The following AGAP1 variants were observed in gnomAD, a reference collection of about 807,000 sequenced individuals.
AGAP1 encodes ArfGAP with GTPase domain, ankyrin repeat and PH domain 1.
A neutral mutation model predicts 105.3 loss-of-function variants in AGAP1; 29 were observed. The ratio of observed to expected loss-of-function variants is 0.28; its 90% CI spans 0.21 to 0.38. AGAP1 has a LOEUF of 0.38. Ranked by LOEUF, AGAP1 falls within the 10% of genes least tolerant of loss-of-function variation. AGAP1 has a pLI of 1.00. For missense variants in AGAP1, 998 were observed against 1,165.1 expected (o/e 0.86, Z 2.09); for synonymous variants, 509 against 485.9 (o/e 1.05, Z -0.63).
rs1942839125 is a variant in AGAP1, at chr2:235,526,362, C to T, written c.163+31513C>T. The stretch of plus-strand genomic sequence containing the variant: ...ACCAGCTGTGCTCTTGGTCCTGTGG[C>T]CTTCCATGGGAGAGGGTATGGGAAG... On this transcript the variant is annotated intron_variant, in intron 1 of 17. Coordinates refer to ENST00000304032, the MANE Select transcript of AGAP1 (RefSeq NM_001037131.3). Among the ~76,000 whole-genome samples the T allele has an allele frequency of 2.0e-5, 3 of 152,190 alleles. No homozygotes were observed. The South Asian group carries it at 6.2e-4, about 32-fold the overall frequency.
intron 1 of AGAP1, among the ~76,000 whole-genome samples, chr2:235,656,702 T>C (rs188939241): frequency 3.9e-4 from 60 of 152,316 alleles, no homozygotes; most frequent in Non-Finnish European, 7.2e-4. Context: ...TTCCCTCCCT[T>C]GTCCAAGTGT....
chr2:235,494,893 C>T (rs1255818617), intron 1 of AGAP1, 44 bp downstream of exon 1: 146 of 1,524,854 alleles, frequency 9.6e-5, no homozygotes, highest in Non-Finnish European at 1.2e-4. Flanking sequence ...GCACGGACGC[C>T]CGCGGCGCGG....
chr2:235,717,082 C>G (rs1559390040), intron 2 of AGAP1, among the ~76,000 whole-genome samples: 1 of 152,106 alleles, frequency 6.6e-6, no homozygotes, highest in Non-Finnish European at 1.5e-5. Flanking sequence ...CCCTTTTCTG[C>G]TCCTGTTGTC....
intron 1 of AGAP1, among the ~76,000 whole-genome samples, chr2:235,532,915 A>T (rs140662470): frequency 6.6e-6 from 1 of 152,148 alleles, no homozygotes; most frequent in East Asian, 1.9e-4. Flanking sequence ...CTGCTTTTGT[A>T]TGTTGGCAAA....
At chr2:235,715,528 G>A (rs1176961465) in intron 2 of AGAP1, among the ~76,000 whole-genome samples, 2 of 152,196 alleles carry the variant, frequency 1.3e-5, no homozygotes, top group Admixed American at 1.3e-4. Context: ...TCATGGACCT[G>A]CTGGGCCTGT....
intron 1 of AGAP1, among the ~76,000 whole-genome samples, chr2:235,684,735 C>G (rs1254756761): frequency 6.6e-6 from 1 of 152,122 alleles, no homozygotes; most frequent in Non-Finnish European, 1.5e-5. Context: ...GTTTACCATC[C>G]ATGGCTGCTT....
rs1047384056 is a variant in AGAP1 at position 236,089,600 on chromosome 2, G to A, written c.2115-30592G>A. ...CCCGAAGTCCTTCTTTGGCACTGGA[G>A]AACAAAGAAGAGTTTGCACAGAAGA... is the stretch of plus-strand genomic sequence containing the variant. On this transcript the variant is annotated intron_variant, in intron 16 of 17. Transcript: ENST00000304032. This position sits in a 1 kb window ranked among gnomAD's most constrained non-coding sequence, Gnocchi z 5.6. Among the ~76,000 whole-genome samples, 33 of 152,202 alleles carry A rather than the reference G, an allele frequency of 2.2e-4. No individual in the cohort carries two copies. The highest frequency in any genetic ancestry group is 8.0e-4 in the African/African-American group (33 of 41,466).
intron 7 of AGAP1, 116 bp downstream of exon 7, chr2:235,798,002 C>T (rs1377232994): frequency 7.7e-7 from 1 of 1,301,596 alleles, no homozygotes; most frequent in Non-Finnish European, 1.1e-6. Context: ...TAAGTAACAG[C>T]ATGTTGTAAT....
intron 16 of AGAP1, among the ~76,000 whole-genome samples, chr2:236,069,859 T>C (rs889212324): frequency 9.9e-5 from 15 of 152,284 alleles, no homozygotes; most frequent in African/African-American, 3.6e-4. Context: ...TATTTATTGC[T>C]TATCTTTATT....
At chr2:235,746,287 A>AG (rs1186643718) in intron 5 of AGAP1, among the ~76,000 whole-genome samples, 1 of 149,676 alleles carries the variant, frequency 6.7e-6, no homozygotes, top group Non-Finnish European at 1.5e-5. Flanking sequence ...CTCCATCTCA[A>AG]GGGAAAAAAA....
Position 236,096,589 on chromosome 2 carries a change from T to G in AGAP1, c.2115-23603T>G, listed in dbSNP as rs1391885532. On this transcript the variant is annotated intron_variant, in intron 16 of 17. Coordinates refer to ENST00000304032, the MANE Select transcript of AGAP1 (RefSeq NM_001037131.3). The surrounding 1 kb of genome is among the most constrained non-coding windows in gnomAD (Gnocchi z 4.4). The stretch of plus-strand genomic sequence containing the variant: ...AGTTTTATTTTTTATTTATTTTTTA[T>G]TTTTTTGGGACAGAGTCTCGCTCTT... Among the ~76,000 whole-genome samples the G allele has an allele frequency of 6.6e-6, 1 of 151,942 alleles. No homozygotes were observed. The highest frequency in any genetic ancestry group is 1.5e-5 in the Non-Finnish European group (1 of 67,986).
In AGAP1 at chr2:235,622,409, G is replaced by A. The variant is rs1326934404; in HGVS notation, c.164-86770G>A. 1.3e-5 allele frequency among the ~76,000 whole-genome samples: 2 copies of A among 152,196 alleles called. No homozygotes were observed. The highest frequency in any genetic ancestry group is 4.8e-5 in the African/African-American group (2 of 41,452). On this transcript the variant is annotated intron_variant, in intron 1 of 17. Transcript: ENST00000304032. This position sits in a 1 kb window ranked among gnomAD's most constrained non-coding sequence, Gnocchi z 5.0. ...TCACGGCCACGCTGCTCTCCTGCAT[G>A]TCCGCCCATCTCACTGGGGTGATGA...
At chr2:235,602,317 GAC>G (rs1292834990) in intron 1 of AGAP1, among the ~76,000 whole-genome samples, 1 of 149,648 alleles carries the variant, frequency 6.7e-6, no homozygotes, top group African/African-American at 2.5e-5. Context: ...CACTGGTTGT[GAC>G]AGAGATCTAC....
In AGAP1 at chr2:235,855,113, G is replaced by C. The variant is rs972941385; in HGVS notation, c.1051-28232G>C. 6.6e-5 allele frequency among the ~76,000 whole-genome samples: 10 copies of C among 152,128 alleles called. No homozygotes were observed. The highest frequency in any genetic ancestry group is 1.5e-4 in the Non-Finnish European group (10 of 68,010). On this transcript the variant is annotated intron_variant, in intron 9 of 17. Coordinates refer to ENST00000304032, the MANE Select transcript of AGAP1 (RefSeq NM_001037131.3). This position sits in a 1 kb window ranked among gnomAD's most constrained non-coding sequence, Gnocchi z 5.0. ...AACAGAAAAGTAGAAAAGGTTTAAA[G>C]GCAAAAAAAGCTGAAGGTATTTGTC...
intron 6 of AGAP1, among the ~76,000 whole-genome samples, chr2:235,755,127 T>A (rs933189464): frequency 6.6e-6 from 1 of 152,276 alleles, no homozygotes; most frequent in Admixed American, 6.5e-5. Flanking sequence ...ATGTGCGGAC[T>A]TGGCAGCTGG....
rs538042558 is a variant in AGAP1, at chr2:236,103,019, C to T, written c.2115-17173C>T. 8.7e-4 allele frequency among the ~76,000 whole-genome samples: 119 copies of T among 136,790 alleles called. 1 individual carries two copies. In the Middle Eastern group the frequency reaches 0.018, roughly 20 times the overall value. The allele number at this position is 136,790 out of a possible 152,430, so 89.7% of individuals were successfully genotyped here. On this transcript the variant is annotated intron_variant, in intron 16 of 17. Coordinates refer to ENST00000304032, the MANE Select transcript of AGAP1 (RefSeq NM_001037131.3). ...CGGGGTTTCTGCCCACCCCCCACCC[C>T]CAGGCCTGGCCTCCTGGGTGCCACA...
intron 1 of AGAP1, among the ~76,000 whole-genome samples, chr2:235,668,652 C>G (rs1948210463): frequency 6.6e-6 from 1 of 152,200 alleles, no homozygotes; most frequent in Non-Finnish European, 1.5e-5. Flanking sequence ...TCATCTATGT[C>G]TAAATATTGT....
At chr2:235,859,036 C>T (rs747516120) in intron 9 of AGAP1, among the ~76,000 whole-genome samples, 4 of 152,166 alleles carry the variant, frequency 2.6e-5, no homozygotes, top group Non-Finnish European at 4.4e-5. Context: ...CAATTTAGCA[C>T]AGCATGAAGC....
rs1242315098 is a variant in AGAP1 at position 235,864,261 on chromosome 2, A to G, written c.1051-19084A>G. On this transcript the variant is annotated intron_variant, in intron 9 of 17. Transcript: ENST00000304032. The surrounding 1 kb of genome is among the most constrained non-coding windows in gnomAD (Gnocchi z 5.0). ...CATGTGCCACTGTGTAGTCCCGTGA[A>G]CTCTGCATTTTCGCAGAATGCCCCC... 6.6e-6 allele frequency among the ~76,000 whole-genome samples: 1 copy of G among 151,930 alleles called. No individual in the cohort carries two copies. The highest frequency in any genetic ancestry group is 1.9e-4 in the East Asian group (1 of 5,176).
Sources: allele counts gnomAD v4.1 joint callset (sites outside exome capture counted in the v4.1 genomes callset), GRCh38; gene constraint gnomAD v4.1.1; non-coding constraint Gnocchi (gnomAD v3.1); transcripts MANE v1.5; gene names NCBI Gene and HGNC (gene_info 2026-07-23, HGNC 2026-07-21).